The following SND1 variants were observed in gnomAD, a reference collection of about 807,000 sequenced individuals.
SND1 encodes the protein staphylococcal nuclease and tudor domain containing 1, also known as staphylococcal nuclease domain-containing protein 1.
A neutral mutation model predicts 121.7 loss-of-function variants in SND1; 38 were observed. The observed-to-expected ratio is 0.31, with a 90% CI of 0.24 to 0.41. SND1 has a LOEUF of 0.41. Among genes scored for constraint, SND1 ranks in the 10% least tolerant of loss-of-function variants. The probability of loss-of-function intolerance (pLI) is 1.00; values close to 1 mark genes in which losing one functional copy is unlikely to be tolerated. For synonymous variants in SND1, 401 were observed against 447.4 expected, an observed-to-expected ratio of 0.90 and a Z score of 1.31; for missense variants, 868 against 1,184.6, an observed-to-expected ratio of 0.73 and a Z score of 3.92.
intron 10 of SND1, among the ~76,000 whole-genome samples, chr7:127,791,983 T>C (rs1797917033): frequency 6.6e-6 from 1 of 152,254 alleles, no homozygotes; most frequent in African/African-American, 2.4e-5. Context: ...AATGATTCAC[T>C]ATCCATGAGA....
chr7:127,989,555 A>G (rs1199705288), intron 15 of SND1, among the ~76,000 whole-genome samples: 1 of 152,036 alleles, frequency 6.6e-6, no homozygotes, highest in Non-Finnish European at 1.5e-5. Context: ...GGTGTTTGCC[A>G]TCACCGAGAC....
intron 3 of SND1, among the ~76,000 whole-genome samples, chr7:127,696,056 TTG>T (rs1796001527): frequency 6.6e-6 from 1 of 152,210 alleles, no homozygotes; most frequent in African/African-American, 2.4e-5. Context: ...GTTATGTTCA[TTG>T]AACTATTTGT....
intron 15 of SND1, among the ~76,000 whole-genome samples, chr7:127,961,116 A>T (rs1375727729): frequency 1.3e-5 from 2 of 152,226 alleles, no homozygotes; most frequent in African/African-American, 2.4e-5. Flanking sequence ...ATTCACTCGT[A>T]TGTGGGTCCA....
chr7:127,690,093 A>G (rs1327001785), intron 2 of SND1, among the ~76,000 whole-genome samples: 1 of 151,802 alleles, frequency 6.6e-6, no homozygotes, highest in Admixed American at 6.6e-5. Context: ...CTTTGCCCTC[A>G]TTCTCCTTCC....
rs181834228 is a variant in SND1 at position 128,010,940 on chromosome 7, G to A, written c.1779+19884G>A. ...ATCTCTAACTGAGGAGCTGGTGAGC[G>A]GACGCCCTCAGCAGAGGTATTTTTA... is the stretch of plus-strand genomic sequence containing the variant. On this transcript the variant is annotated intron_variant, in intron 16 of 23. Coordinates refer to ENST00000354725, the MANE Select transcript of SND1 (RefSeq NM_014390.4). 3.1e-3 allele frequency among the ~76,000 whole-genome samples: 470 copies of A among 152,266 alleles called. 1 individual carries two copies. The highest frequency in any genetic ancestry group is 0.01 in the Middle Eastern group (3 of 294).
rs139725147 is a variant in SND1, at chr7:127,904,663, C to T, written c.1455-84C>T. Reference sequence around the variant, plus strand: ...CATACATCCCCACTTTAACAACCCTCGCTTCTCTCTTCATTTTTGCACCCT... The same window carrying T: ...CATACATCCCCACTTTAACAACCCTTGCTTCTCTCTTCATTTTTGCACCCT... On this transcript the variant is annotated intron_variant, in intron 13 of 23. Transcript: ENST00000354725. 5.1e-4 allele frequency: 423 copies of T among 836,846 alleles called. 4 individuals are homozygous for T. The East Asian group carries it at 8.8e-3, about 17-fold the overall frequency. The allele number at this position is 836,846 out of a possible 1,614,324, so 51.8% of individuals were successfully genotyped here.
At chr7:127,701,449 C>A in intron 5 of SND1, 126 bp downstream of exon 5, 1 of 1,004,002 alleles carries the variant, frequency 1.0e-6, no homozygotes, top group Admixed American at 2.9e-5. Context: ...ATGGGAAATC[C>A]TTAAGGTTAA....
intron 14 of SND1, among the ~76,000 whole-genome samples, chr7:127,922,189 T>TTTTTTTTTTTTTTTTTTTG (rs1800726194): frequency 3.1e-5 from 3 of 95,520 alleles, no homozygotes; most frequent in African/African-American, 1.1e-4. Flanking sequence ...TTTTTTTTTT[T>TTTTTTTTTTTTTTTTTTTG]TTTTTTTTTT....
At chr7:127,898,652 A>G (rs140622468) in intron 13 of SND1, among the ~76,000 whole-genome samples, 36 of 152,144 alleles carry the variant, frequency 2.4e-4, no homozygotes, top group African/African-American at 8.2e-4. Flanking sequence ...CTGCTTTTCA[A>G]CCTTTTCTGT....
intron 2 of SND1, chr7:127,694,593 C>G: frequency 4.5e-6 from 2 of 442,600 alleles, no homozygotes; most frequent in Non-Finnish European, 8.0e-6. Context: ...AACTCTGAGG[C>G]CTGTTTTTAG....
At chr7:127,786,631 T>TTTTGTTTG (rs547892352) in intron 10 of SND1, among the ~76,000 whole-genome samples, 2 of 151,638 alleles carry the variant, frequency 1.3e-5, no homozygotes, top group African/African-American at 4.9e-5. Context: ...TTTTGTTTTG[T>TTTTGTTTG]TTTGTTTGTT....
intron 15 of SND1, among the ~76,000 whole-genome samples, chr7:127,943,406 A>G (rs1048976820): frequency 6.6e-6 from 1 of 152,186 alleles, no homozygotes; most frequent in Non-Finnish European, 1.5e-5. Context: ...GGACAAGACA[A>G]AATTGATAAA....
At chr7:128,089,791 C>T (rs2117071649) in intron 22 of SND1, 99 bp downstream of exon 22, 15 of 1,038,232 alleles carry the variant, frequency 1.4e-5, no homozygotes, top group South Asian at 1.3e-4. Context: ...ATCCACCATC[C>T]TGCTGTTCCT....
intron 1 of SND1, among the ~76,000 whole-genome samples, chr7:127,660,190 A>G (rs1795284101): frequency 6.6e-6 from 1 of 152,118 alleles, no homozygotes; most frequent in Non-Finnish European, 1.5e-5. Context: ...ATGATAAACT[A>G]GTGGGAGTGT....
At chr7:127,768,123 G>A (rs992297766) in intron 10 of SND1, among the ~76,000 whole-genome samples, 12 of 152,044 alleles carry the variant, frequency 7.9e-5, no homozygotes, top group Non-Finnish European at 1.8e-4. Context: ...GGTTGGTGGG[G>A]GTGAGCTGCC....
chr7:127,731,226 T>G (rs1299068488), intron 10 of SND1, among the ~76,000 whole-genome samples: 1 of 152,222 alleles, frequency 6.6e-6, no homozygotes, highest in African/African-American at 2.4e-5. Flanking sequence ...CCGCAGCTGC[T>G]GTGAGCGAGT....
chr7:127,916,819 CA>C (rs1800589216), intron 14 of SND1, among the ~76,000 whole-genome samples: 1 of 152,140 alleles, frequency 6.6e-6, no homozygotes, highest in Admixed American at 6.5e-5. Flanking sequence ...TGAAGGAAAG[CA>C]GGGGGGCAGC....
At chr7:127,887,464 A>AC (rs1424174843) in intron 12 of SND1, among the ~76,000 whole-genome samples, 1 of 152,144 alleles carries the variant, frequency 6.6e-6, no homozygotes, top group East Asian at 1.9e-4. Flanking sequence ...AACTAAAAGA[A>AC]GACATTTTCT....
chr7:128,066,979 C>T (rs1407868302), intron 16 of SND1, among the ~76,000 whole-genome samples: 2 of 152,158 alleles, frequency 1.3e-5, no homozygotes, highest in Non-Finnish European at 2.9e-5. Context: ...CTCTCCATTT[C>T]CCGCGCCCCC....
Sources: allele counts gnomAD v4.1 joint callset (sites outside exome capture counted in the v4.1 genomes callset), GRCh38; gene constraint gnomAD v4.1.1; transcripts MANE v1.5; gene names NCBI Gene and HGNC (gene_info 2026-07-23, HGNC 2026-07-21).